Variants in ADAM12 observed in about 807,000 individuals in gnomAD.
ADAM12 encodes disintegrin and metalloproteinase domain-containing protein 12.
ADAM12 carries 70 observed loss-of-function variants against 106.4 expected under a neutral mutation model. The ratio of observed to expected loss-of-function variants is 0.66; its 90% CI spans 0.54 to 0.80. The LOEUF (loss-of-function observed/expected upper bound fraction) is 0.80, where lower values mean the gene tolerates loss of function less well. Ranked by LOEUF, ADAM12 falls within the 30% of genes least tolerant of loss-of-function variation. ADAM12 has a pLI of 0.00. For missense variants in ADAM12, 1,010 were observed against 1,171.9 expected, an observed-to-expected ratio of 0.86 and a Z score of 2.02; for synonymous variants, 420 against 433.5, an observed-to-expected ratio of 0.97 and a Z score of 0.39.
chr10:126,076,579 C>G (rs1955106882), intron 11 of ADAM12, among the ~76,000 whole-genome samples: 1 of 152,114 alleles, frequency 6.6e-6, no homozygotes, highest in Non-Finnish European at 1.5e-5. Flanking sequence ...GAGATGGTAT[C>G]TCACTGTGGT....
chr10:126,151,562 T>C (rs1042360763), intron 4 of ADAM12, among the ~76,000 whole-genome samples: 1 of 152,106 alleles, frequency 6.6e-6, no homozygotes, highest in African/African-American at 2.4e-5. Flanking sequence ...GTCTGTAGGA[T>C]TCATTTTGTG....
At chr10:126,259,471 C>T (rs1374616047) in intron 3 of ADAM12, among the ~76,000 whole-genome samples, 1 of 152,150 alleles carries the variant, frequency 6.6e-6, no homozygotes, top group African/African-American at 2.4e-5. Flanking sequence ...CGATCACATG[C>T]TTTCTTACTA....
At chr10:126,041,865 C>T in intron 18 of ADAM12, 1 of 1,312,050 alleles carries the variant, frequency 7.6e-7, no homozygotes, top group Non-Finnish European at 9.7e-7. Flanking sequence ...GAGTGGTAAC[C>T]TGCTACTCTC....
chr10:126,239,774 G>T (rs10901567), intron 3 of ADAM12, among the ~76,000 whole-genome samples: 38,382 of 151,950 alleles, frequency 0.25, 5,530 homozygotes, highest in African/African-American at 0.4. Flanking sequence ...AACCATTCAC[G>T]TCATTCAGAA....
chr10:126,103,167 C>T (rs1955700506), intron 8 of ADAM12, among the ~76,000 whole-genome samples: 2 of 152,152 alleles, frequency 1.3e-5, no homozygotes, highest in African/African-American at 4.8e-5. Flanking sequence ...ATGGGTTTTG[C>T]ATCTCCACCT....
intron 5 of ADAM12, among the ~76,000 whole-genome samples, chr10:126,131,490 C>T (rs1355434226): frequency 6.6e-6 from 1 of 152,100 alleles, no homozygotes; most frequent in Non-Finnish European, 1.5e-5. Flanking sequence ...AGCCATGGCC[C>T]CCATGTGATG....
At chr10:126,020,783 G>A (rs1011596869) in intron 21 of ADAM12, among the ~76,000 whole-genome samples, 3 of 151,982 alleles carry the variant, frequency 2.0e-5, no homozygotes, top group South Asian at 2.1e-4. Flanking sequence ...CTGAGGTCAG[G>A]AGTTTGAGAC....
intron 5 of ADAM12, among the ~76,000 whole-genome samples, chr10:126,133,229 G>T (rs1225695978): frequency 6.6e-6 from 1 of 152,038 alleles, no homozygotes; most frequent in Non-Finnish European, 1.5e-5. Context: ...GCTCTAAATT[G>T]TCACTTCCAA....
chr10:126,210,040 G>A (rs1957871166), intron 3 of ADAM12, among the ~76,000 whole-genome samples: 1 of 152,162 alleles, frequency 6.6e-6, no homozygotes. Context: ...TTAACTCTCA[G>A]GCTTGGTTTT....
At chr10:126,243,025 A>G (rs954176730) in intron 3 of ADAM12, among the ~76,000 whole-genome samples, 1 of 152,240 alleles carries the variant, frequency 6.6e-6, no homozygotes, top group African/African-American at 2.4e-5. Context: ...CCCATATGGA[A>G]CTAGCAATGA....
At chr10:126,363,512 C>T (rs1013987891) in intron 1 of ADAM12, among the ~76,000 whole-genome samples, 1 of 152,186 alleles carries the variant, frequency 6.6e-6, no homozygotes, top group African/African-American at 2.4e-5. Flanking sequence ...GGCTTTTCCA[C>T]TCCTGCTCTG....
At chr10:126,078,100 G>A (rs1229869314) in intron 11 of ADAM12, among the ~76,000 whole-genome samples, 1 of 152,116 alleles carries the variant, frequency 6.6e-6, no homozygotes, top group African/African-American at 2.4e-5. Flanking sequence ...GTAGCCACTG[G>A]TTACCTAGTG....
chr10:126,229,030 G>C (rs1958255765), intron 3 of ADAM12, among the ~76,000 whole-genome samples: 1 of 152,154 alleles, frequency 6.6e-6, no homozygotes, highest in Non-Finnish European at 1.5e-5. Context: ...TGTTTACCAG[G>C]AAAAGAACAA....
chr10:126,264,161 A>T (rs527737853), intron 3 of ADAM12, among the ~76,000 whole-genome samples: 2 of 152,368 alleles, frequency 1.3e-5, no homozygotes, highest in East Asian at 3.9e-4. Context: ...TACGAAAACC[A>T]CATGTAAAAA....
At chr10:126,115,601 C>G (rs1009289950) in intron 6 of ADAM12, among the ~76,000 whole-genome samples, 5 of 152,176 alleles carry the variant, frequency 3.3e-5, no homozygotes, top group Admixed American at 3.3e-4. Context: ...ATTCCTGATG[C>G]TCTGTGAAGA....
chr10:126,303,282 A>G (rs1440071704), intron 2 of ADAM12, among the ~76,000 whole-genome samples: 2 of 152,218 alleles, frequency 1.3e-5, no homozygotes, highest in African/African-American at 4.8e-5. Context: ...ATGTAACAAC[A>G]GCTGTTTTTA....
chr10:126,082,363 G>GTTTTTTTTTTT lies in ADAM12; in HGVS notation c.1146-10720_1146-10710dup, dbSNP rs5788763. 5.2e-4 allele frequency among the ~76,000 whole-genome samples: 42 copies of GTTTTTTTTTTT among 80,780 alleles called. 6 individuals are homozygous for GTTTTTTTTTTT. Among genetic ancestry groups the GTTTTTTTTTTT allele is most frequent in the African/African-American group, 1.4e-3 (26 of 18,716 alleles). 53.0% of individuals were successfully genotyped at this position (80,780 alleles called of 152,430 possible). The stretch of plus-strand genomic sequence containing the variant: ...CTCTGGAGAAGACAATCTAATGACT[G>GTTTTTTTTTTT]TTTTTTTTTTTTTTTTTTTTTTTTA... On this transcript the variant is annotated intron_variant, in intron 11 of 22. Coordinates refer to ENST00000448723, the MANE Select transcript of ADAM12 (RefSeq NM_001288973.2).
intron 3 of ADAM12, among the ~76,000 whole-genome samples, chr10:126,170,353 C>T (rs1216425938): frequency 1.3e-5 from 2 of 151,430 alleles, no homozygotes; most frequent in Non-Finnish European, 2.9e-5. Flanking sequence ...AATTGGCCCA[C>T]GGAGCAGTTC....
chr10:126,246,543 A>G (rs1958633843), intron 3 of ADAM12, among the ~76,000 whole-genome samples: 1 of 152,256 alleles, frequency 6.6e-6, no homozygotes. Flanking sequence ...ACCACAATCA[A>G]GTAGGCTTCA....
Sources: allele counts gnomAD v4.1 joint callset (sites outside exome capture counted in the v4.1 genomes callset), GRCh38; gene constraint gnomAD v4.1.1; transcripts MANE v1.5; gene names NCBI Gene and HGNC (gene_info 2026-07-23, HGNC 2026-07-21).